Variants in PDGFD observed in about 807,000 individuals in gnomAD.
The protein encoded by PDGFD is platelet derived growth factor D, also known as platelet-derived growth factor D.
Under a neutral mutation model 44.7 loss-of-function variants are expected in PDGFD, and 30 were observed. The ratio of observed to expected loss-of-function variants is 0.67; its 90% CI spans 0.50 to 0.91. The LOEUF is 0.91. Ranked by LOEUF, PDGFD falls within the 40% of genes least tolerant of loss-of-function variation. The probability of loss-of-function intolerance (pLI) is 0.00; values close to 1 mark genes in which losing one functional copy is unlikely to be tolerated. For missense variants in PDGFD, 445 were observed against 457.8 expected (o/e 0.97, Z 0.25); for synonymous variants, 173 against 168.4 (o/e 1.03, Z -0.21).
intron 1 of PDGFD, among the ~76,000 whole-genome samples, chr11:104,032,312 A>T (rs1263669752): frequency 6.6e-6 from 1 of 152,214 alleles, no homozygotes; most frequent in African/African-American, 2.4e-5. Flanking sequence ...AGAATTATGA[A>T]AACATTAGTT....
intron 6 of PDGFD, among the ~76,000 whole-genome samples, chr11:103,912,797 A>T (rs1858051293): frequency 8.1e-6 from 1 of 123,142 alleles, no homozygotes; most frequent in Non-Finnish European, 1.8e-5. Flanking sequence ...TTACCAAGTA[A>T]ATGGAAAACA....
chr11:103,984,592 A>G (rs1274376796), intron 3 of PDGFD, among the ~76,000 whole-genome samples: 1 of 151,490 alleles, frequency 6.6e-6, no homozygotes, highest in African/African-American at 2.4e-5. Context: ...CAAAATATTC[A>G]TAGTAGTTGT....
At chr11:104,160,776 T>C (rs1341246219) in intron 1 of PDGFD, among the ~76,000 whole-genome samples, 4 of 149,856 alleles carry the variant, frequency 2.7e-5, no homozygotes, top group East Asian at 2.6e-4. Context: ...AGAAAGGCTC[T>C]GCAGATATAC....
intron 1 of PDGFD, among the ~76,000 whole-genome samples, chr11:104,008,610 C>T (rs1859737936): frequency 1.3e-5 from 2 of 152,050 alleles, no homozygotes; most frequent in South Asian, 4.1e-4. Flanking sequence ...ATCTTTTGCT[C>T]CCTTTAAAAC....
intron 1 of PDGFD, among the ~76,000 whole-genome samples, chr11:104,130,205 C>T (rs1861899924): frequency 6.6e-6 from 1 of 152,120 alleles, no homozygotes; most frequent in African/African-American, 2.4e-5. Flanking sequence ...GGCAGAATAA[C>T]CCTCTACATT....
chr11:104,014,139 C>T (rs1859825537), intron 1 of PDGFD, among the ~76,000 whole-genome samples: 1 of 152,122 alleles, frequency 6.6e-6, no homozygotes, highest in Non-Finnish European at 1.5e-5. Context: ...TTTTGCCATC[C>T]CTTTATATAG....
At chr11:103,929,909 G>T (rs1858373601) in intron 5 of PDGFD, among the ~76,000 whole-genome samples, 1 of 152,100 alleles carries the variant, frequency 6.6e-6, no homozygotes, top group Non-Finnish European at 1.5e-5. Context: ...AGGGAGACAG[G>T]CCAAGTGGTG....
chr11:103,978,485 A>G (rs1033956730), intron 3 of PDGFD, among the ~76,000 whole-genome samples: 1 of 152,012 alleles, frequency 6.6e-6, no homozygotes, highest in African/African-American at 2.4e-5. Context: ...TGGGACTTAA[A>G]TATGTTTATA....
At chr11:103,979,949 A>G (rs1329120483) in intron 3 of PDGFD, among the ~76,000 whole-genome samples, 1 of 152,124 alleles carries the variant, frequency 6.6e-6, no homozygotes, top group African/African-American at 2.4e-5. Context: ...GCAATCTTAA[A>G]TTAGAGCTCT....
intron 6 of PDGFD, among the ~76,000 whole-genome samples, chr11:103,912,284 G>A (rs1858040378): frequency 6.6e-6 from 1 of 152,226 alleles, no homozygotes; most frequent in Non-Finnish European, 1.5e-5. Context: ...GGATCTCCCG[G>A]CAGAAACCCT....
intron 1 of PDGFD, among the ~76,000 whole-genome samples, chr11:104,131,785 A>AT (rs113580005): frequency 0.042 from 6,190 of 146,710 alleles, 214 homozygotes; most frequent in African/African-American, 0.088. Flanking sequence ...TAAGTATCCT[A>AT]AATGGCAATG....
At chr11:104,067,314 A>G (rs1860803495) in intron 1 of PDGFD, among the ~76,000 whole-genome samples, 1 of 152,170 alleles carries the variant, frequency 6.6e-6, no homozygotes, top group South Asian at 2.1e-4. Flanking sequence ...CAAACAGTAG[A>G]TAACTGCTAA....
chr11:104,119,515 A>G lies in PDGFD; in HGVS notation c.124+44289T>C, dbSNP rs185510774. Among the ~76,000 whole-genome samples, 211 of 29,556 alleles carry G rather than the reference A, an allele frequency of 7.1e-3. 31 individuals are homozygous for G. The highest frequency in any genetic ancestry group is 0.062 in the Middle Eastern group (1 of 16). The allele number at this position is 29,556 out of a possible 152,430, so 19.4% of individuals were successfully genotyped here. A position where few individuals can be genotyped will look rare whatever the true frequency, so the allele number is the denominator to read the frequency against. ...ATATTGATATAATATATAATATATT[A>G]ATATAATATATTGATATAATATATA... On this transcript the variant is annotated intron_variant, in intron 1 of 6. Coordinates refer to ENST00000393158, the MANE Select transcript of PDGFD (RefSeq NM_025208.5).
At chr11:104,059,792 T>C (rs1429412657) in intron 1 of PDGFD, among the ~76,000 whole-genome samples, 1 of 152,254 alleles carries the variant, frequency 6.6e-6, no homozygotes, top group East Asian at 1.9e-4. Context: ...AGTACCCCTC[T>C]GACATTTATT....
chr11:103,914,763 G>T (rs7107615), intron 6 of PDGFD, among the ~76,000 whole-genome samples: 69,632 of 151,928 alleles, frequency 0.46, 16,064 homozygotes, highest in South Asian at 0.49. Flanking sequence ...TCAAGTTGGC[G>T]TCATCCCTGG....
chr11:104,026,171 T>G (rs980242998), intron 1 of PDGFD, among the ~76,000 whole-genome samples: 1 of 152,210 alleles, frequency 6.6e-6, no homozygotes, highest in African/African-American at 2.4e-5. Flanking sequence ...AAAGTGCCCA[T>G]ATGTGTGTTT....
chr11:103,918,682 C>T (rs1315062106), intron 6 of PDGFD, among the ~76,000 whole-genome samples: 1 of 152,142 alleles, frequency 6.6e-6, no homozygotes, highest in Admixed American at 6.5e-5. Flanking sequence ...AATTGGCAGA[C>T]ACCTTTTCCC....
At chr11:103,990,679 G>A (rs1372356446) in intron 3 of PDGFD, among the ~76,000 whole-genome samples, 1 of 152,082 alleles carries the variant, frequency 6.6e-6, no homozygotes, top group Middle Eastern at 3.2e-3. Context: ...TATATTTGAG[G>A]GAAAGAAACT....
intron 1 of PDGFD, among the ~76,000 whole-genome samples, chr11:104,096,169 A>G (rs1263607239): frequency 6.6e-6 from 1 of 152,178 alleles, no homozygotes; most frequent in Non-Finnish European, 1.5e-5. Flanking sequence ...GAAGTTTATG[A>G]GCTGCAATTT....
Sources: allele counts gnomAD v4.1 joint callset (sites outside exome capture counted in the v4.1 genomes callset), GRCh38; gene constraint gnomAD v4.1.1; transcripts MANE v1.5; gene names NCBI Gene and HGNC (gene_info 2026-07-23, HGNC 2026-07-21).